Variants in SIPA1L2 observed in about 807,000 individuals in gnomAD.
The protein encoded by SIPA1L2 is signal induced proliferation associated 1 like 2.
In SIPA1L2, 56 loss-of-function variants were observed where a neutral mutation model predicts 163.9. The ratio of observed to expected loss-of-function variants is 0.34; its 90% CI spans 0.28 to 0.43. The LOEUF is 0.43. SIPA1L2 is among the 20% of genes least tolerant of loss of function. The pLI, the probability that SIPA1L2 is intolerant of heterozygous loss-of-function variation, is 1.00. For synonymous variants in SIPA1L2, 877 were observed against 865.7 expected (o/e 1.01, Z -0.23); for missense variants, 1,974 against 2,193.5 (o/e 0.90, Z 2.00).
intron 10 of SIPA1L2, among the ~76,000 whole-genome samples, chr1:232,452,219 CCT>C (rs925438729): frequency 6.6e-6 from 1 of 151,966 alleles, no homozygotes; most frequent in Non-Finnish European, 1.5e-5. Context: ...GGCTTTCTCC[CCT>C]GCTTCCTGAT....
At chr1:232,427,882 G>A (rs573698859) in intron 17 of SIPA1L2, among the ~76,000 whole-genome samples, 1 of 152,178 alleles carries the variant, frequency 6.6e-6, no homozygotes, top group South Asian at 2.1e-4. Flanking sequence ...CTCCAGTTCA[G>A]TTCTGGAACA....
At chr1:232,583,685 T>C (rs3855982) in intron 1 of SIPA1L2, among the ~76,000 whole-genome samples, 39,116 of 152,066 alleles carry the variant, frequency 0.26, 5,098 homozygotes, top group Non-Finnish European at 0.26. Flanking sequence ...TATTCTCTAT[T>C]TTAAGGACAG....
intron 2 of SIPA1L2, among the ~76,000 whole-genome samples, chr1:232,527,969 C>T (rs567525374): frequency 1.3e-5 from 2 of 150,214 alleles, no homozygotes; most frequent in Admixed American, 1.3e-4. Flanking sequence ...CTTTGCATTT[C>T]CAAGTTAATG....
intron 1 of SIPA1L2, among the ~76,000 whole-genome samples, chr1:232,617,756 T>C (rs896074842): frequency 1.3e-5 from 2 of 152,150 alleles, no homozygotes; most frequent in Non-Finnish European, 1.5e-5. Flanking sequence ...CACATCCTAA[T>C]AGAAGTATGG....
At position 232,443,615 on chromosome 1, in the gene SIPA1L2, C is replaced by T. The variant is rs779177945; in HGVS notation, c.3424G>A (p.Val1142Met). ...PGGSGPWRPQ[V>M]GYDGCQSPLL... ...AATGAACAGTACCCGTCGTAGCCCA[C>T]TTGTGGTCTCCAGGGTCCGCTCCCG... is the stretch of plus-strand genomic sequence containing the variant. Residue 1142 changes from valine to methionine, a missense_variant, in exon 12 of 23, where the codon GTG becomes ATG. Transcript: ENST00000674635. The T allele has an allele frequency of 1.2e-6, 2 of 1,606,022 alleles. No homozygotes were observed. The highest frequency in any genetic ancestry group is 1.7e-6 in the Non-Finnish European group (2 of 1,176,520).
intron 7 of SIPA1L2, among the ~76,000 whole-genome samples, chr1:232,472,525 C>G (rs919944886): frequency 4.0e-4 from 61 of 152,204 alleles, no homozygotes; most frequent in Non-Finnish European, 1.2e-4. Context: ...GTGACCACTT[C>G]TTTCCTATGA....
At chr1:232,510,365 A>G (rs150537929) in intron 3 of SIPA1L2, among the ~76,000 whole-genome samples, 3 of 152,258 alleles carry the variant, frequency 2.0e-5, no homozygotes, top group African/African-American at 4.8e-5. Flanking sequence ...ATGCGTGACT[A>G]TAGTCTAGAA....
intron 2 of SIPA1L2, among the ~76,000 whole-genome samples, chr1:232,518,701 C>T (rs1156478200): frequency 6.6e-6 from 1 of 152,106 alleles, no homozygotes; most frequent in African/African-American, 2.4e-5. Context: ...CCATGGTGTC[C>T]TCTACTTCCC....
At chr1:232,401,398 G>T (rs944153396) in intron 22 of SIPA1L2, among the ~76,000 whole-genome samples, 1 of 152,028 alleles carries the variant, frequency 6.6e-6, no homozygotes, top group African/African-American at 2.4e-5. Context: ...CTTTTTTTGG[G>T]CAAGTCTCCT....
intron 9 of SIPA1L2, chr1:232,462,392 A>G (rs1366744811): frequency 1.4e-6 from 2 of 1,475,216 alleles, no homozygotes; most frequent in Non-Finnish European, 1.8e-6. Flanking sequence ...ATAGATACCT[A>G]TTTAATAAGA....
At chr1:232,534,475 T>C (rs577895887) in intron 2 of SIPA1L2, among the ~76,000 whole-genome samples, 22 of 152,316 alleles carry the variant, frequency 1.4e-4, no homozygotes, top group Non-Finnish European at 2.5e-4. Context: ...CCATATAGAT[T>C]TGGCAATGAT....
At chr1:232,490,822 CA>C in intron 5 of SIPA1L2, 51 bp downstream of exon 5, 1 of 1,528,842 alleles carries the variant, frequency 6.5e-7, no homozygotes, top group South Asian at 1.3e-5. Context: ...CCAAAACTTT[CA>C]GAAACAGACA....
At chr1:232,563,955 T>TTTTTGTGTGTG (rs1558270699) in intron 2 of SIPA1L2, among the ~76,000 whole-genome samples, 3 of 116,768 alleles carry the variant, frequency 2.6e-5, no homozygotes, top group African/African-American at 1.2e-4. Context: ...TTTTTTTTTT[T>TTTTTGTGTGTG]CGTGTGTGTG....
chr1:232,471,844 G>C (rs1664816270), intron 7 of SIPA1L2, among the ~76,000 whole-genome samples: 1 of 152,140 alleles, frequency 6.6e-6, no homozygotes, highest in Non-Finnish European at 1.5e-5. Flanking sequence ...ACAACACTTT[G>C]AGAAATGTTG....
intron 17 of SIPA1L2, among the ~76,000 whole-genome samples, chr1:232,426,020 T>C (rs1021235088): frequency 3.3e-5 from 5 of 152,282 alleles, no homozygotes; most frequent in East Asian, 3.9e-4. Context: ...TTTTCCTCCT[T>C]TGACATTCTA....
chr1:232,403,240 C>G (rs1660448893), intron 21 of SIPA1L2, among the ~76,000 whole-genome samples: 1 of 152,204 alleles, frequency 6.6e-6, no homozygotes, highest in African/African-American at 2.4e-5. Context: ...GCCCATGGAG[C>G]AGAGGGGTCA....
rs370159097 is a variant in SIPA1L2, at chr1:232,471,401, T to C, written c.2213A>G (p.His738Arg). Reference protein sequence around the residue: ...FQHVFVIVKVHNPCTENVCYS... With the variant: ...FQHVFVIVKVRNPCTENVCYS... Reference sequence around the variant, plus strand: ...ACACACATTTTCGGTACATGGATTATGCACTTTGACTATGACAAAGACATG... The same window carrying C: ...ACACACATTTTCGGTACATGGATTACGCACTTTGACTATGACAAAGACATG... The change falls in exon 8 of 23, where the codon CAT (histidine) becomes CGT (arginine). Residue 738 changes from histidine to arginine, a missense_variant. Transcript: ENST00000674635. The C allele has an allele frequency of 1.4e-5, 22 of 1,613,968 alleles. No homozygotes were observed. In the African/African-American group the frequency reaches 2.8e-4, roughly 21 times the overall value.
intron 4 of SIPA1L2, 80 bp downstream of exon 4, chr1:232,493,447 C>T (rs1206820375): frequency 7.2e-6 from 11 of 1,522,212 alleles, no homozygotes; most frequent in Non-Finnish European, 8.9e-6. Flanking sequence ...ATTCAGTACC[C>T]TATCTAAAAC....
At chr1:232,620,048 C>G (rs1662719366) in intron 1 of SIPA1L2, among the ~76,000 whole-genome samples, 1 of 152,098 alleles carries the variant, frequency 6.6e-6, no homozygotes, top group Non-Finnish European at 1.5e-5. Flanking sequence ...CCAAGCCTGG[C>G]TAATTTTTGT....
Sources: gnomAD v4.1 joint callset for allele counts (sites outside exome capture counted in the v4.1 genomes callset) on GRCh38, gnomAD v4.1.1 for gene constraint, MANE v1.5 for transcripts, NCBI Gene and HGNC (gene_info 2026-07-23, HGNC 2026-07-21) for gene names.